The following ZNF609 variants were observed in gnomAD, a reference collection of about 807,000 sequenced individuals.
The protein encoded by ZNF609 is zinc finger protein 609.
In ZNF609, 11 loss-of-function variants were observed where a neutral mutation model predicts 109.5. The ratio of observed to expected loss-of-function variants is 0.10; its 90% CI spans 0.06 to 0.17. The LOEUF is 0.17. ZNF609 is among the 10% of genes least tolerant of loss of function. ZNF609 has a pLI of 1.00. For missense variants in ZNF609, 1,559 were observed against 1,772.4 expected (o/e 0.88, Z 2.16); for synonymous variants, 646 against 662.0 (o/e 0.98, Z 0.37).
chr15:64,635,859 GCTCT>G, intron 3 of ZNF609, among the ~76,000 whole-genome samples: 1 of 85,352 alleles, frequency 1.2e-5, no homozygotes, highest in East Asian at 4.2e-4. Context: ...TCTTTAACTC[GCTCT>G]CTCTCTCTCT....
chr15:64,594,266 G>A (rs1168798798), intron 2 of ZNF609, among the ~76,000 whole-genome samples: 1 of 151,864 alleles, frequency 6.6e-6, no homozygotes, highest in Non-Finnish European at 1.5e-5. Flanking sequence ...ACTATGTTTT[G>A]TTTTGTTTTT....
intron 2 of ZNF609, among the ~76,000 whole-genome samples, chr15:64,575,945 A>G (rs1004854765): frequency 3.3e-5 from 5 of 152,158 alleles, no homozygotes; most frequent in African/African-American, 1.2e-4. Context: ...TTCTAAAAAT[A>G]CAAAAAATTA....
chr15:64,627,172 AGAGAGT>A (rs1390140904), intron 3 of ZNF609, among the ~76,000 whole-genome samples: 1 of 151,874 alleles, frequency 6.6e-6, no homozygotes, highest in Non-Finnish European at 1.5e-5. Flanking sequence ...CCTGGGCGAC[AGAGAGT>A]GAGACTCCGT....
intron 2 of ZNF609, among the ~76,000 whole-genome samples, chr15:64,549,928 G>C (rs1186032990): frequency 1.3e-5 from 2 of 152,046 alleles, no homozygotes; most frequent in Admixed American, 6.6e-5. Context: ...TGAAACTACA[G>C]GTATCTGTCA....
chr15:64,481,184 T>C (rs1173407082), intron 1 of ZNF609, among the ~76,000 whole-genome samples: 1 of 152,128 alleles, frequency 6.6e-6, no homozygotes, highest in Non-Finnish European at 1.5e-5. Flanking sequence ...CTACTGGAAA[T>C]TTAAAGACTT....
At chr15:64,623,157 A>C in intron 3 of ZNF609, 105 bp downstream of exon 3, 1 of 1,170,614 alleles carries the variant, frequency 8.5e-7, no homozygotes, top group Non-Finnish European at 1.2e-6. Context: ...TTAGAGTCTC[A>C]AGTGTCCACA....
At chr15:64,523,696 G>C (rs906147971) in intron 2 of ZNF609, among the ~76,000 whole-genome samples, 1 of 151,788 alleles carries the variant, frequency 6.6e-6, no homozygotes, top group African/African-American at 2.4e-5. Context: ...CTGGGAGGCA[G>C]AGATTGAAGT....
At chr15:64,608,447 TC>T (rs1895648549) in intron 2 of ZNF609, among the ~76,000 whole-genome samples, 1 of 152,100 alleles carries the variant, frequency 6.6e-6, no homozygotes, top group South Asian at 2.1e-4. Flanking sequence ...TGTTCAGATT[TC>T]CCCCATTTAC....
chr15:64,601,072 G>T (rs888776194), intron 2 of ZNF609, among the ~76,000 whole-genome samples: 1 of 152,052 alleles, frequency 6.6e-6, no homozygotes, highest in Non-Finnish European at 1.5e-5. Context: ...TACCCAACAG[G>T]TTGCCAAGTC....
chr15:64,567,066 A>G lies in ZNF609; in HGVS notation c.748-55761A>G, dbSNP rs190000849. 3.5e-4 allele frequency among the ~76,000 whole-genome samples: 53 copies of G among 152,362 alleles called. 2 individuals are homozygous for G. The highest frequency in any genetic ancestry group is 3.4e-3 in the Admixed American group (52 of 15,304). ...ATTAGGCAGTTATAAGGAAATAGCTAAAAAGGAACTGGCTAATTAGAGTTG... is the reference window on the plus strand; with the variant it reads ...ATTAGGCAGTTATAAGGAAATAGCTGAAAAGGAACTGGCTAATTAGAGTTG... On this transcript the variant is annotated intron_variant, in intron 2 of 9. Transcript: ENST00000326648.
At chr15:64,527,591 G>A (rs1361073765) in intron 2 of ZNF609, among the ~76,000 whole-genome samples, 1 of 151,970 alleles carries the variant, frequency 6.6e-6, no homozygotes, top group African/African-American at 2.4e-5. Flanking sequence ...TCCTTGCTTA[G>A]TTGTCCCAAA....
intron 2 of ZNF609, among the ~76,000 whole-genome samples, chr15:64,507,994 T>A (rs1446504542): frequency 6.6e-6 from 1 of 152,164 alleles, no homozygotes; most frequent in Non-Finnish European, 1.5e-5. Context: ...TTCCCTAAAG[T>A]CATTCATCCT....
chr15:64,495,005 A>G (rs1174852487), intron 1 of ZNF609, among the ~76,000 whole-genome samples: 4 of 152,220 alleles, frequency 2.6e-5, no homozygotes, highest in Non-Finnish European at 4.4e-5. Context: ...GAATCTGGAA[A>G]TGAGCATAGA....
chr15:64,669,676 AT>A (rs541712080), intron 3 of ZNF609, among the ~76,000 whole-genome samples: 3 of 150,110 alleles, frequency 2.0e-5, no homozygotes, highest in Non-Finnish European at 4.5e-5. Flanking sequence ...TTTATTTTTT[AT>A]TTTTTTTTGA....
intron 2 of ZNF609, among the ~76,000 whole-genome samples, chr15:64,525,285 C>G (rs559611329): frequency 6.6e-6 from 1 of 152,082 alleles, no homozygotes; most frequent in Non-Finnish European, 1.5e-5. Context: ...CAGCTTTAGT[C>G]TTTTACATGT....
chr15:64,658,332 G>A (rs959691077), intron 3 of ZNF609, among the ~76,000 whole-genome samples: 1 of 151,996 alleles, frequency 6.6e-6, no homozygotes, highest in Non-Finnish European at 1.5e-5. Flanking sequence ...CGAGTAGCTG[G>A]GATTACAGGC....
At chr15:64,597,439 G>A (rs1458433813) in intron 2 of ZNF609, among the ~76,000 whole-genome samples, 1 of 152,138 alleles carries the variant, frequency 6.6e-6, no homozygotes, top group African/African-American at 2.4e-5. Context: ...AGGAAGATGG[G>A]TATTGTTTAG....
At chr15:64,472,670 A>G (rs1050711295) in intron 1 of ZNF609, among the ~76,000 whole-genome samples, 1 of 152,092 alleles carries the variant, frequency 6.6e-6, no homozygotes, top group African/African-American at 2.4e-5. Context: ...TTCAAGGCCA[A>G]CCTGGACAAC....
intron 2 of ZNF609, among the ~76,000 whole-genome samples, chr15:64,568,394 T>C (rs538431127): frequency 6.6e-6 from 1 of 152,354 alleles, no homozygotes; most frequent in East Asian, 1.9e-4. Context: ...GGCTTTTTCA[T>C]ATGGTTTTAT....
Sources: allele counts gnomAD v4.1 joint callset (sites outside exome capture counted in the v4.1 genomes callset), GRCh38; gene constraint gnomAD v4.1.1; transcripts MANE v1.5; gene names NCBI Gene and HGNC (gene_info 2026-07-23, HGNC 2026-07-21).